The following FAH variants were observed in gnomAD, a reference collection of about 807,000 sequenced individuals.
The protein encoded by FAH is fumarylacetoacetase.
In FAH, 47 loss-of-function variants were observed where a neutral mutation model predicts 55.8. The observed-to-expected ratio is 0.84, with a 90% CI of 0.67 to 1.07. FAH has a LOEUF of 1.07. FAH is among the 50% of genes least tolerant of loss of function. The pLI is 0.00. For missense variants in FAH, 495 were observed against 545.9 expected (o/e 0.91, Z 0.93); for synonymous variants, 199 against 207.7 (o/e 0.96, Z 0.36).
rs2041371555 is a variant in FAH, at chr15:80,186,349, A to G, written c.*140A>G. On this transcript the variant is annotated 3_prime_UTR_variant, in exon 14 of 14. Coordinates refer to ENST00000561421, the MANE Select transcript of FAH (RefSeq NM_000137.4). The stretch of plus-strand genomic sequence containing the variant: ...TGTGCTCTGAGGCCTGCACTGCCGC[A>G]GATGCAGCTGTGTCCACTTATGATC... The G allele has an allele frequency of 2.7e-6, 2 of 733,370 alleles. No homozygotes were observed. Among genetic ancestry groups the G allele is most frequent in the South Asian group, 1.5e-5 (1 of 68,002 alleles). The allele number at this position is 733,370 out of a possible 1,614,324, so 45.4% of individuals were successfully genotyped here. A position where few individuals can be genotyped will look rare whatever the true frequency, so the allele number is the denominator to read the frequency against.
chr15:80,162,896 C>T, intron 5 of FAH: 1 of 196,334 alleles, frequency 5.1e-6, no homozygotes, highest in Non-Finnish European at 1.1e-5. Context: ...GCCCCCAGAT[C>T]AGGCCATTGA....
At chr15:80,172,922 G>T in intron 8 of FAH, 92 bp from the exon 9 acceptor site, 1 of 1,547,676 alleles carries the variant, frequency 6.5e-7, no homozygotes, top group Non-Finnish European at 8.9e-7. Context: ...GCAGTGCTAG[G>T]TGTCTCTGCT....
At chr15:80,184,979 C>A (rs544712172) in intron 13 of FAH, among the ~76,000 whole-genome samples, 1 of 152,264 alleles carries the variant, frequency 6.6e-6, no homozygotes, top group East Asian at 1.9e-4. Flanking sequence ...ACCTCCCACT[C>A]CCTCTAAGTG....
At chr15:80,180,431 C>G (rs373407083) in intron 12 of FAH, 1 of 580,696 alleles carries the variant, frequency 1.7e-6, no homozygotes, top group Non-Finnish European at 3.1e-6. Flanking sequence ...GGTGTGAGAA[C>G]GGAAGCCTGG....
intron 5 of FAH, among the ~76,000 whole-genome samples, chr15:80,165,708 C>G (rs1272412228): frequency 6.7e-6 from 1 of 148,286 alleles, no homozygotes; most frequent in Non-Finnish European, 1.5e-5. Flanking sequence ...CCCCACCCCC[C>G]ACCAAAAAAA....
At chr15:80,183,986 A>C (rs961138503) in intron 13 of FAH, among the ~76,000 whole-genome samples, 1 of 152,200 alleles carries the variant, frequency 6.6e-6, no homozygotes, top group African/African-American at 2.4e-5. Flanking sequence ...TTTCTGAGAG[A>C]GTCCAAAAAC....
intron 7 of FAH, among the ~76,000 whole-genome samples, chr15:80,169,031 T>A (rs2041219131): frequency 6.6e-6 from 1 of 152,228 alleles, no homozygotes; most frequent in African/African-American, 2.4e-5. Flanking sequence ...TAATCCTGTG[T>A]TTCCTCTAGG....
rs544142784 is a variant in FAH, at chr15:80,172,648, A to G, written c.707-366A>G. Among the ~76,000 whole-genome samples the G allele has an allele frequency of 1.8e-4, 27 of 152,356 alleles. 1 individual carries two copies. In the South Asian group the frequency reaches 5.6e-3, roughly 32 times the overall value. ...TTGCTGAACTAAGATTTGAAGCAAAACAGTCCAGCTTCTGAGCCTGAGCTC... is the reference window on the plus strand; with the variant it reads ...TTGCTGAACTAAGATTTGAAGCAAAGCAGTCCAGCTTCTGAGCCTGAGCTC... On this transcript the variant is annotated intron_variant, in intron 8 of 13. Transcript: ENST00000561421.
chr15:80,168,392 C>A, intron 7 of FAH, 76 bp downstream of exon 7: 1 of 1,457,362 alleles, frequency 6.9e-7, no homozygotes, highest in Non-Finnish European at 9.6e-7. Context: ...TGGCTCCCCG[C>A]ACCATGAGCC....
chr15:80,176,719 C>T (rs1455638733), intron 10 of FAH, among the ~76,000 whole-genome samples: 4 of 152,238 alleles, frequency 2.6e-5, no homozygotes, highest in East Asian at 1.9e-4. Flanking sequence ...GTTTTGTCCT[C>T]AGTATTCCTG....
chr15:80,174,886 A>G lies in FAH; in HGVS notation c.838-130A>G, dbSNP rs2041269358. 3 of 754,838 alleles carry G rather than the reference A, an allele frequency of 4.0e-6. No individual in the cohort carries two copies. The Admixed American group carries it at 5.6e-5, about 14-fold the overall frequency. 46.8% of individuals were successfully genotyped at this position (754,838 alleles called of 1,614,324 possible). On this transcript the variant is annotated intron_variant, in intron 9 of 13. Coordinates refer to ENST00000561421, the MANE Select transcript of FAH (RefSeq NM_000137.4). ...ACAGTGCTGGGTCCCTGGAGAGGGA[A>G]TGCTCCTGCTGTCTCAGACCCTCTG...
intron 13 of FAH, 109 bp from the exon 14 acceptor site, chr15:80,186,021 C>T (rs973970778): frequency 1.1e-5 from 9 of 843,308 alleles, no homozygotes; most frequent in South Asian, 9.4e-5. Flanking sequence ...TCTGATGGCA[C>T]CTTCCTGCCT....
At chr15:80,183,396 G>T (rs1330474143) in intron 13 of FAH, among the ~76,000 whole-genome samples, 1 of 152,270 alleles carries the variant, frequency 6.6e-6, no homozygotes, top group African/African-American at 2.4e-5. Flanking sequence ...CAGGGGGTAA[G>T]CAGAGGAGCG....
chr15:80,159,841 A>G lies in FAH; in HGVS notation c.278A>G (p.Gln93Arg). ...TTGCAGAACTTGCTGTCTGTGAGCCAAGCCAGGCTCAGAGATGACACCGAA... is the reference window on the plus strand; with the variant it reads ...TTGCAGAACTTGCTGTCTGTGAGCCGAGCCAGGCTCAGAGATGACACCGAA... ...VFLQNLLSVS[Q>R]ARLRDDTELR... is the part of the protein sequence containing the mutation. The change falls in exon 3 of 14, where the codon CAA becomes CGA. Residue 93 changes from glutamine (Q) to arginine (R), a missense_variant. Gln to Arg is a conservative substitution (Grantham distance 43). Transcript: ENST00000561421. 6.2e-7 allele frequency: 1 copy of G among 1,614,232 alleles called. No individual in the cohort carries two copies. Among genetic ancestry groups the G allele is most frequent in the South Asian group, 1.1e-5 (1 of 91,092 alleles).
intron 1 of FAH, chr15:80,156,671 G>A (rs185073372): frequency 3.0e-4 from 46 of 152,304 alleles, no homozygotes; most frequent in African/African-American, 1.1e-3. Flanking sequence ...ACTTGTCCAA[G>A]GTGATAAGAT....
intron 13 of FAH, among the ~76,000 whole-genome samples, chr15:80,182,210 A>G (rs1267970069): frequency 6.6e-6 from 1 of 152,234 alleles, no homozygotes; most frequent in South Asian, 2.1e-4. Context: ...CCTCTCTCTT[A>G]TAACACACAT....
chr15:80,180,277 C>T (rs1409536847), intron 12 of FAH, 52 bp downstream of exon 12: 5 of 1,446,470 alleles, frequency 3.5e-6, no homozygotes, highest in Non-Finnish European at 4.8e-6. Context: ...CCCTGCTCCC[C>T]ACACAGCCCC....
At chr15:80,153,274 C>G in intron 1 of FAH, 139 bp downstream of exon 1, 1 of 733,940 alleles carries the variant, frequency 1.4e-6, no homozygotes, top group South Asian at 1.6e-5. Flanking sequence ...AGATTCGTTC[C>G]GTGAGAGTGC....
Position 80,177,521 on chromosome 15 carries a change from C to T in FAH, c.914-16C>T, listed in dbSNP as rs752395852. 1 of 1,612,642 alleles carries T rather than the reference C, an allele frequency of 6.2e-7. No individual in the cohort carries two copies. The highest frequency in any genetic ancestry group is 8.5e-7 in the Non-Finnish European group (1 of 1,178,646). ...TGGAATTAAGTTTTCATCAATATTG[C>T]TTTTCTTTCCAACAGGAGAAGGAAT... On this transcript the variant is annotated splice_polypyrimidine_tract_variant and intron_variant, in intron 10 of 13. Transcript: ENST00000561421.
Sources: allele counts gnomAD v4.1 joint callset (sites outside exome capture counted in the v4.1 genomes callset), GRCh38; gene constraint gnomAD v4.1.1; transcripts MANE v1.5; gene names NCBI Gene and HGNC (gene_info 2026-07-23, HGNC 2026-07-21).